SMOC2: variants seen among roughly 807,000 people sequenced by gnomAD.
SMOC2 encodes the protein SPARC-related modular calcium-binding protein 2.
A neutral mutation model predicts 61.4 loss-of-function variants in SMOC2; 39 were observed. The observed-to-expected ratio is 0.64, with a 90% CI of 0.49 to 0.83. The LOEUF is 0.83. Ranked by LOEUF, SMOC2 falls within the 40% of genes least tolerant of loss-of-function variation. SMOC2 has a pLI of 0.00. For synonymous variants in SMOC2, 247 were observed against 239.9 expected (o/e 1.03, Z -0.27); for missense variants, 556 against 592.9 (o/e 0.94, Z 0.65).
chr6:168,567,345 A>G (rs1784568273), intron 7 of SMOC2, among the ~76,000 whole-genome samples: 1 of 152,210 alleles, frequency 6.6e-6, no homozygotes, highest in Non-Finnish European at 1.5e-5. Flanking sequence ...AATTTTTGAA[A>G]TAGCAATATG....
chr6:168,613,770 A>G (rs1583160689), intron 9 of SMOC2, among the ~76,000 whole-genome samples: 6 of 45,976 alleles, frequency 1.3e-4, no homozygotes, highest in African/African-American at 1.2e-4. Flanking sequence ...CAGCCAGCAC[A>G]GGGCCTCTTC....
intron 2 of SMOC2, among the ~76,000 whole-genome samples, chr6:168,513,321 A>G (rs1783052120): frequency 7.0e-6 from 1 of 142,688 alleles, no homozygotes; most frequent in Admixed American, 7.4e-5. Flanking sequence ...ATAGTTCTAT[A>G]TCAGTATTTT....
chr6:168,574,004 C>T (rs1047044484), intron 7 of SMOC2, among the ~76,000 whole-genome samples: 2 of 152,212 alleles, frequency 1.3e-5, no homozygotes, highest in Admixed American at 1.3e-4. Context: ...ATGGGTGGAC[C>T]CGGGCCTTGC....
chr6:168,473,837 G>T (rs549146596), intron 1 of SMOC2, among the ~76,000 whole-genome samples: 1 of 152,082 alleles, frequency 6.6e-6, no homozygotes, highest in Non-Finnish European at 1.5e-5. Context: ...GGGTGTGAGC[G>T]TGTGTGTGAG....
chr6:168,659,660 T>G (rs1787438232), intron 11 of SMOC2, among the ~76,000 whole-genome samples: 2 of 151,178 alleles, frequency 1.3e-5, no homozygotes, highest in Non-Finnish European at 3.0e-5. Context: ...GGGTGGAGGT[T>G]GTAGGCTGGG....
rs371341470 is a variant in SMOC2 at position 168,572,287 on chromosome 6, A to G, written c.637+23084A>G. On this transcript the variant is annotated intron_variant, in intron 7 of 12. Transcript: ENST00000356284. ...CCAGGGCTGCGTGCTCCCTGAACGC[A>G]ATGTTCACTTTCTCCCCGCATCCCC... Among the ~76,000 whole-genome samples, 44 of 32,044 alleles carry G rather than the reference A, an allele frequency of 1.4e-3. 1 individual carries two copies. In the East Asian group the frequency reaches 0.016, roughly 11 times the overall value. The allele number at this position is 32,044 out of a possible 152,430, so 21.0% of individuals were successfully genotyped here.
At chr6:168,504,283 C>T (rs2180343) in intron 1 of SMOC2, among the ~76,000 whole-genome samples, 72,504 of 150,788 alleles carry the variant, frequency 0.48, 18,148 homozygotes, top group African/African-American at 0.6. Flanking sequence ...ACATTTATTG[C>T]GCACTTTATT....
At chr6:168,600,273 G>A (rs1259126649) in intron 8 of SMOC2, among the ~76,000 whole-genome samples, 7 of 151,974 alleles carry the variant, frequency 4.6e-5, no homozygotes, top group Admixed American at 2.6e-4. Flanking sequence ...TGGGCGTGGT[G>A]GTGGATGCCT....
intron 9 of SMOC2, among the ~76,000 whole-genome samples, chr6:168,617,231 TAAAC>T (rs200368731): frequency 0.014 from 2,086 of 152,268 alleles, 44 homozygotes; most frequent in African/African-American, 0.046. Flanking sequence ...AGAAATTAAA[TAAAC>T]AAAGGCGTTT....
intron 4 of SMOC2, among the ~76,000 whole-genome samples, chr6:168,528,696 A>C (rs1450583814): frequency 5.9e-5 from 9 of 152,238 alleles, no homozygotes; most frequent in African/African-American, 2.2e-4. Flanking sequence ...CATAAGGCCT[A>C]ATGTTTCCAG....
intron 9 of SMOC2, among the ~76,000 whole-genome samples, chr6:168,629,322 G>C (rs1181669059): frequency 1.3e-5 from 2 of 152,244 alleles, no homozygotes; most frequent in African/African-American, 2.4e-5. Context: ...CACATGGGAA[G>C]GGATCAAGAT....
intron 4 of SMOC2, among the ~76,000 whole-genome samples, chr6:168,536,003 T>A (rs543846397): frequency 6.6e-6 from 1 of 152,322 alleles, no homozygotes; most frequent in African/African-American, 2.4e-5. Context: ...GGATTCTGGC[T>A]CGAATTTTCA....
intron 2 of SMOC2, among the ~76,000 whole-genome samples, chr6:168,521,637 C>T (rs545819798): frequency 2.6e-5 from 4 of 152,190 alleles, no homozygotes; most frequent in South Asian, 4.1e-4. Context: ...GCCTGTAATC[C>T]CAGCATTCTG....
chr6:168,524,604 T>G (rs1339273054), intron 2 of SMOC2, among the ~76,000 whole-genome samples: 2 of 152,176 alleles, frequency 1.3e-5, no homozygotes, highest in Admixed American at 6.5e-5. Flanking sequence ...AAGCTGGAAC[T>G]CATATCACTT....
rs966255878 is a variant in SMOC2, at chr6:168,489,065, C to T, written c.85-20850C>T. Among the ~76,000 whole-genome samples, 9 of 146,160 alleles carry T rather than the reference C, an allele frequency of 6.2e-5. No homozygotes were observed. The East Asian group carries it at 6.3e-4, about 10-fold the overall frequency. ...CACACTGTTTTAGAGGGAAATATAT[C>T]GAATCATCTGGGTCCCCTTGGATCA... On this transcript the variant is annotated intron_variant, in intron 1 of 12. Coordinates refer to ENST00000356284, the MANE Select transcript of SMOC2 (RefSeq NM_001166412.2).
chr6:168,482,215 A>G (rs1782222760), intron 1 of SMOC2, among the ~76,000 whole-genome samples: 1 of 151,812 alleles, frequency 6.6e-6, no homozygotes, highest in South Asian at 2.1e-4. Flanking sequence ...TTTCCTAAGA[A>G]AAAGAAAGAA....
intron 2 of SMOC2, 123 bp downstream of exon 2, chr6:168,510,209 T>C: frequency 2.3e-6 from 2 of 878,716 alleles, no homozygotes; most frequent in Non-Finnish European, 3.4e-6. Context: ...TGGCTCTTTT[T>C]TTACAGCATG....
intron 11 of SMOC2, among the ~76,000 whole-genome samples, chr6:168,658,521 A>G (rs1583193307): frequency 6.6e-6 from 1 of 152,070 alleles, no homozygotes; most frequent in Non-Finnish European, 1.5e-5. Flanking sequence ...TAAGCCACGC[A>G]TGGCTTCTGC....
chr6:168,594,105 T>G (rs1468438707), intron 7 of SMOC2, among the ~76,000 whole-genome samples: 19 of 67,524 alleles, frequency 2.8e-4, no homozygotes, highest in African/African-American at 8.7e-4. Flanking sequence ...TCCTGAGGCC[T>G]CACGAGGGGC....
Sources: gnomAD v4.1 joint callset for allele counts (sites outside exome capture counted in the v4.1 genomes callset) on GRCh38, gnomAD v4.1.1 for gene constraint, MANE v1.5 for transcripts, NCBI Gene and HGNC (gene_info 2026-07-23, HGNC 2026-07-21) for gene names.